The following SPON1 variants were observed in gnomAD, a reference collection of about 807,000 sequenced individuals.
SPON1 encodes the protein spondin 1.
In SPON1, 52 loss-of-function variants were observed where a neutral mutation model predicts 111.7. That is an observed-to-expected ratio of 0.47 (90% CI 0.37 to 0.59). The LOEUF (loss-of-function observed/expected upper bound fraction) is 0.59, where lower values mean the gene tolerates loss of function less well. Ranked by LOEUF, SPON1 falls within the 20% of genes least tolerant of loss-of-function variation. The pLI, the probability that SPON1 is intolerant of heterozygous loss-of-function variation, is 0.00. For synonymous variants in SPON1, 410 were observed against 395.8 expected (o/e 1.04, Z -0.43); for missense variants, 957 against 1,068.5 (o/e 0.90, Z 1.46).
chr11:14,016,561 T>C (rs1332003095), intron 2 of SPON1, among the ~76,000 whole-genome samples: 1 of 152,208 alleles, frequency 6.6e-6, no homozygotes, highest in East Asian at 1.9e-4. Context: ...ATTGGGTACT[T>C]TAAAACAAGT....
chr11:14,182,896 C>A (rs543633685), intron 6 of SPON1, among the ~76,000 whole-genome samples: 14 of 152,282 alleles, frequency 9.2e-5, no homozygotes, highest in African/African-American at 3.4e-4. Flanking sequence ...GCAAGGGCCA[C>A]GACCCCAAAT....
intron 2 of SPON1, among the ~76,000 whole-genome samples, chr11:13,990,976 A>C (rs540241666): frequency 1.9e-4 from 29 of 152,242 alleles, no homozygotes; most frequent in African/African-American, 6.0e-4. Context: ...TGTGGGTAAC[A>C]TGACCTTTCT....
At chr11:14,171,350 T>A (rs1848097745) in intron 6 of SPON1, among the ~76,000 whole-genome samples, 1 of 152,234 alleles carries the variant, frequency 6.6e-6, no homozygotes, top group South Asian at 2.1e-4. Flanking sequence ...ATCCCCTTTG[T>A]CATTTTTTAT....
chr11:14,049,010 G>A (rs1446822756), intron 3 of SPON1, among the ~76,000 whole-genome samples: 4 of 152,170 alleles, frequency 2.6e-5, no homozygotes. Flanking sequence ...GCACTGTTCT[G>A]GGTGCACTAC....
chr11:14,127,695 C>G (rs1004211813), intron 5 of SPON1, among the ~76,000 whole-genome samples: 16 of 152,166 alleles, frequency 1.1e-4, no homozygotes, highest in Non-Finnish European at 2.9e-5. Context: ...TAACATAGGT[C>G]GAGACCTTGG....
intron 3 of SPON1, among the ~76,000 whole-genome samples, chr11:14,047,200 C>T (rs1312621898): frequency 6.6e-6 from 1 of 152,116 alleles, no homozygotes; most frequent in Non-Finnish European, 1.5e-5. Context: ...TCTAGCACCT[C>T]TAGTACAGTA....
chr11:14,160,411 A>ATATATT (rs1847897847), intron 6 of SPON1, among the ~76,000 whole-genome samples: 1 of 21,410 alleles, frequency 4.7e-5, no homozygotes, highest in South Asian at 1.3e-3. Flanking sequence ...ATTTATATAT[A>ATATATT]TATATTTATA....
intron 6 of SPON1, among the ~76,000 whole-genome samples, chr11:14,180,746 G>A (rs1336094750): frequency 2.6e-5 from 4 of 152,248 alleles, no homozygotes; most frequent in African/African-American, 9.6e-5. Context: ...TTGGCTGGAC[G>A]AACAAATAAG....
At chr11:14,215,489 G>A (rs948421195) in intron 6 of SPON1, among the ~76,000 whole-genome samples, 2 of 152,122 alleles carry the variant, frequency 1.3e-5, no homozygotes, top group African/African-American at 4.8e-5. Context: ...CAGCATGGTG[G>A]TCTCAGGGAG....
intron 6 of SPON1, among the ~76,000 whole-genome samples, chr11:14,200,844 A>T: frequency 7.9e-6 from 1 of 126,908 alleles, no homozygotes. Flanking sequence ...AAAAAAAAAA[A>T]AAAGATTTAT....
intron 5 of SPON1, among the ~76,000 whole-genome samples, chr11:14,099,261 C>T (rs539677266): frequency 5.3e-5 from 8 of 152,220 alleles, no homozygotes; most frequent in Admixed American, 1.3e-4. Context: ...TAAATTTACC[C>T]GTGTTAGCTT....
intron 2 of SPON1, among the ~76,000 whole-genome samples, chr11:13,997,784 A>G (rs1290002054): frequency 6.6e-6 from 1 of 152,228 alleles, no homozygotes; most frequent in Non-Finnish European, 1.5e-5. Flanking sequence ...ATGATGCGCA[A>G]ACAAAATCTG....
At chr11:14,233,442 C>G (rs2133913219) in intron 6 of SPON1, among the ~76,000 whole-genome samples, 1 of 152,310 alleles carries the variant, frequency 6.6e-6, no homozygotes, top group Admixed American at 6.5e-5. Flanking sequence ...GGTCATACCA[C>G]TCTTCTGCTC....
chr11:13,975,415 A>G (rs1226770412), intron 1 of SPON1, among the ~76,000 whole-genome samples: 1 of 152,242 alleles, frequency 6.6e-6, no homozygotes, highest in African/African-American at 2.4e-5. Context: ...TTCAACAAGT[A>G]TATATTGAGC....
chr11:14,260,044 C>T (rs1554941748), intron 13 of SPON1, among the ~76,000 whole-genome samples: 1 of 152,164 alleles, frequency 6.6e-6, no homozygotes. Flanking sequence ...ATACATTACC[C>T]AGGTCCAGCC....
intron 3 of SPON1, among the ~76,000 whole-genome samples, chr11:14,061,844 A>G (rs560273992): frequency 1.4e-4 from 21 of 152,342 alleles, no homozygotes; most frequent in African/African-American, 4.1e-4. Context: ...TCAAATCAAA[A>G]CAACTTCATT....
chr11:14,254,031 G>A (rs1339258416), intron 7 of SPON1, among the ~76,000 whole-genome samples: 4 of 152,188 alleles, frequency 2.6e-5, no homozygotes, highest in Non-Finnish European at 5.9e-5. Context: ...TGGGGGTGTC[G>A]GCCAAAGGTC....
intron 1 of SPON1, 21 bp downstream of exon 1, chr11:13,963,163 G>A (rs1554907701): frequency 6.8e-7 from 1 of 1,466,274 alleles, no homozygotes. Context: ...GCCCGGCGTG[G>A]CATTAGGAGA....
chr11:14,047,914 C>A (rs1327721779), intron 3 of SPON1, among the ~76,000 whole-genome samples: 1 of 152,158 alleles, frequency 6.6e-6, no homozygotes, highest in Non-Finnish European at 1.5e-5. Flanking sequence ...AAACAGTGGA[C>A]TGACACACTG....
Sources: gnomAD v4.1 joint callset for allele counts (sites outside exome capture counted in the v4.1 genomes callset) on GRCh38, gnomAD v4.1.1 for gene constraint, MANE v1.5 for transcripts, NCBI Gene and HGNC (gene_info 2026-07-23, HGNC 2026-07-21) for gene names.